Variants in CNBD1 observed in about 807,000 individuals in gnomAD.
The protein encoded by CNBD1 is cyclic nucleotide binding domain containing 1.
CNBD1 carries 71 observed loss-of-function variants against 54.4 expected under a neutral mutation model. The ratio of observed to expected loss-of-function variants is 1.30; its 90% confidence interval spans 1.08 to 1.59. The LOEUF is 1.59. Among genes scored for constraint, CNBD1 ranks in the 40% most tolerant of loss-of-function variants. The pLI, the probability that CNBD1 is intolerant of heterozygous loss-of-function variation, is 0.00. For synonymous variants in CNBD1, 182 were observed against 170.7 expected (o/e 1.07, Z -0.51); for missense variants, 659 against 518.0 (o/e 1.27, Z -2.64).
intron 4 of CNBD1, among the ~76,000 whole-genome samples, chr8:86,949,947 C>CTTTTTTTTTTG: frequency 6.4e-5 from 1 of 15,726 alleles, no homozygotes; most frequent in African/African-American, 3.3e-4. Context: ...TCATCAAATG[C>CTTTTTTTTTTG]TTTTTTTTTT....
intron 2 of CNBD1, among the ~76,000 whole-genome samples, chr8:86,895,215 ATATG>A (rs1183332986): frequency 6.6e-6 from 1 of 151,030 alleles, no homozygotes; most frequent in East Asian, 2.0e-4. Context: ...TCACTAAACA[ATATG>A]TATTTAAATT....
At chr8:87,212,000 C>G (rs939885807) in intron 5 of CNBD1, among the ~76,000 whole-genome samples, 1 of 151,966 alleles carries the variant, frequency 6.6e-6, no homozygotes, top group South Asian at 2.1e-4. Flanking sequence ...AATCCCTGAC[C>G]CACATGGATT....
At chr8:87,351,828 T>G in intron 9 of CNBD1, 34 bp downstream of exon 9, 1 of 1,414,228 alleles carries the variant, frequency 7.1e-7, no homozygotes, top group Non-Finnish European at 9.3e-7. Context: ...TTTAATCAAT[T>G]AATCTACTCT....
At chr8:87,246,991 G>A (rs972764702) in intron 6 of CNBD1, among the ~76,000 whole-genome samples, 1 of 152,024 alleles carries the variant, frequency 6.6e-6, no homozygotes, top group Non-Finnish European at 1.5e-5. Flanking sequence ...CCCGAATTAT[G>A]TTGCCTATGT....
intron 8 of CNBD1, among the ~76,000 whole-genome samples, chr8:87,340,248 C>T (rs1310277842): frequency 1.3e-5 from 2 of 152,140 alleles, no homozygotes; most frequent in Non-Finnish European, 2.9e-5. Context: ...TGCTGATGGT[C>T]GTATGGAGGT....
At chr8:87,016,628 C>A (rs1222653189) in intron 4 of CNBD1, among the ~76,000 whole-genome samples, 2 of 152,032 alleles carry the variant, frequency 1.3e-5, no homozygotes, top group Non-Finnish European at 2.9e-5. Context: ...TTAAAAAAAA[C>A]TTTAGTGGAT....
chr8:87,222,292 C>T (rs1586340083), intron 5 of CNBD1, among the ~76,000 whole-genome samples: 1 of 151,858 alleles, frequency 6.6e-6, no homozygotes, highest in Non-Finnish European at 1.5e-5. Flanking sequence ...ATTAATTAAG[C>T]TTTCATTTAT....
At chr8:87,255,712 C>T (rs2130843360) in intron 6 of CNBD1, among the ~76,000 whole-genome samples, 1 of 151,622 alleles carries the variant, frequency 6.6e-6, no homozygotes, top group South Asian at 2.1e-4. Flanking sequence ...GCCAAACTGC[C>T]TAACTTCCAA....
At chr8:87,426,043 G>A (rs182714615) in intron 2 of CNBD1, among the ~76,000 whole-genome samples, 59 of 152,310 alleles carry the variant, frequency 3.9e-4, no homozygotes, top group East Asian at 2.5e-3. Context: ...TAAGCCCGTC[G>A]GAAAATCGCA....
chr8:87,306,750 G>A (rs1333013694), intron 8 of CNBD1, among the ~76,000 whole-genome samples: 2 of 152,028 alleles, frequency 1.3e-5, no homozygotes, highest in African/African-American at 4.8e-5. Flanking sequence ...ATGGACTTTG[G>A]GGATGTGGGG....
At chr8:87,239,678 G>A (rs1188444222) in intron 6 of CNBD1, among the ~76,000 whole-genome samples, 1 of 151,968 alleles carries the variant, frequency 6.6e-6, no homozygotes, top group Non-Finnish European at 1.5e-5. Context: ...TCTAATCCAA[G>A]GATCAAATTT....
intron 6 of CNBD1, among the ~76,000 whole-genome samples, chr8:87,258,563 A>G (rs557702934): frequency 5.3e-5 from 8 of 152,062 alleles, no homozygotes; most frequent in African/African-American, 1.7e-4. Flanking sequence ...AGTGCTTTAC[A>G]GGCATGAACC....
At chr8:87,201,227 A>T (rs956977133) in intron 4 of CNBD1, among the ~76,000 whole-genome samples, 1 of 152,184 alleles carries the variant, frequency 6.6e-6, no homozygotes, top group Non-Finnish European at 1.5e-5. Context: ...TAATAAGAAC[A>T]GAAGAGAACT....
At chr8:87,110,424 A>G (rs1405437280) in intron 4 of CNBD1, among the ~76,000 whole-genome samples, 1 of 152,166 alleles carries the variant, frequency 6.6e-6, no homozygotes, top group African/African-American at 2.4e-5. Context: ...TCACCTAATG[A>G]ATGGGTCAGA....
intron 2 of CNBD1, among the ~76,000 whole-genome samples, chr8:86,892,146 T>A (rs375024526): frequency 1.3e-5 from 2 of 152,046 alleles, no homozygotes; most frequent in African/African-American, 4.8e-5. Flanking sequence ...TGATCTTAGA[T>A]GAAAAATTTT....
chr8:87,189,821 G>A (rs999638083), intron 4 of CNBD1, among the ~76,000 whole-genome samples: 3 of 152,100 alleles, frequency 2.0e-5, no homozygotes, highest in African/African-American at 7.2e-5. Context: ...ATTCATCCTT[G>A]ACTGATTAGG....
At chr8:87,371,805 T>A (rs1810809572) in intron 10 of CNBD1, among the ~76,000 whole-genome samples, 1 of 151,896 alleles carries the variant, frequency 6.6e-6, no homozygotes, top group African/African-American at 2.4e-5. Flanking sequence ...TGCTAAAAAC[T>A]CTCAATAAAT....
intron 4 of CNBD1, among the ~76,000 whole-genome samples, chr8:86,957,008 A>G (rs1488082860): frequency 2.0e-5 from 3 of 152,190 alleles, no homozygotes; most frequent in Non-Finnish European, 2.9e-5. Context: ...TGTCCCATCA[A>G]TACCTAGTTT....
chr8:86,983,108 T>A (rs960004354), intron 4 of CNBD1, among the ~76,000 whole-genome samples: 3 of 152,188 alleles, frequency 2.0e-5, no homozygotes, highest in Non-Finnish European at 4.4e-5. Flanking sequence ...TCTTGAATTC[T>A]CACATGTTAT....
Sources: allele counts gnomAD v4.1 joint callset (sites outside exome capture counted in the v4.1 genomes callset), GRCh38; gene constraint gnomAD v4.1.1; transcripts MANE v1.5; gene names NCBI Gene and HGNC (gene_info 2026-07-23, HGNC 2026-07-21).